ZNF34: variants seen among roughly 807,000 people sequenced by gnomAD.
ZNF34 encodes zinc finger protein 34.
A neutral mutation model predicts 14.4 loss-of-function variants in ZNF34; 8 were observed. The ratio of observed to expected loss-of-function variants is 0.55; its 90% CI spans 0.33 to 1.00. The LOEUF is 1.00. Among genes scored for constraint, ZNF34 ranks in the 50% least tolerant of loss-of-function variants. The pLI is 0.03. For synonymous variants in ZNF34, 235 were observed against 247.9 expected (o/e 0.95, Z 0.49); for missense variants, 538 against 674.2 (o/e 0.80, Z 2.24).
intron 1 of ZNF34, among the ~76,000 whole-genome samples, chr8:144,786,464 T>C (rs1313839429): frequency 6.6e-6 from 1 of 151,268 alleles, no homozygotes; most frequent in African/African-American, 2.4e-5. Context: ...TTAAACCCCA[T>C]CTCTACTAAA....
rs541409550 is a variant in ZNF34, at chr8:144,779,846, A to T, written c.-55+382T>A. ...AAACGACAATACTCATTCACTTTAC[A>T]TGGAAGAATGAAGACAAAATGTTAA... On this transcript the variant is annotated intron_variant, in intron 2 of 5. Transcript: ENST00000429371. This position sits in a 1 kb window ranked among gnomAD's most constrained non-coding sequence, Gnocchi z 4.1. Among the ~76,000 whole-genome samples the T allele has an allele frequency of 6.6e-6, 1 of 152,146 alleles. No individual in the cohort carries two copies. Among genetic ancestry groups the T allele is most frequent in the East Asian group, 1.9e-4 (1 of 5,182 alleles).
chr8:144,778,314 T>C (rs1432000525), intron 3 of ZNF34, 125 bp downstream of exon 3: 1 of 1,365,386 alleles, frequency 7.3e-7, no homozygotes, highest in African/African-American at 1.5e-5. Context: ...AAGGGGTGGC[T>C]GCATGGGGGT....
chr8:144,775,545 C>T (rs575995586), intron 5 of ZNF34, among the ~76,000 whole-genome samples: 1 of 152,232 alleles, frequency 6.6e-6, no homozygotes, highest in East Asian at 1.9e-4. Flanking sequence ...CCAAACAGAC[C>T]ACACTGCTAC....
chr8:144,777,923 T>A lies in ZNF34; in HGVS notation c.160+115A>T. 2.7e-6 allele frequency: 4 copies of A among 1,466,014 alleles called. No homozygotes were observed. The highest frequency in any genetic ancestry group is 3.7e-6 in the Non-Finnish European group (4 of 1,078,196). The allele number at this position is 1,466,014 out of a possible 1,614,324, so 90.8% of individuals were successfully genotyped here. ...CATCTTCTCAGATCAGGTGCCTGCCTGGGATAAAGGTCATCACCTATCTGT... is the reference window on the plus strand; with the variant it reads ...CATCTTCTCAGATCAGGTGCCTGCCAGGGATAAAGGTCATCACCTATCTGT... On this transcript the variant is annotated intron_variant, in intron 4 of 5. Coordinates refer to ENST00000429371, the MANE Select transcript of ZNF34 (RefSeq NM_001286769.2). This position sits in a 1 kb window ranked among gnomAD's most constrained non-coding sequence, Gnocchi z 4.8.
In ZNF34 at chr8:144,774,264, CAG is replaced by C; in HGVS notation, c.620_621del (p.Ser207TrpfsTer11). Reference protein sequence around the residue: ...RSKKTNTVRNSGEIFSANLVV... With the variant: ...RSKKTNTVRNXGEIFSANLVV... The stretch of plus-strand genomic sequence containing the variant: ...ACTAAGTTTGCACTGAAGATTTCCC[CAG>C]AGTTACGAACTGTATTTGTTTTTTT... On this transcript the variant is annotated frameshift_variant, in exon 6 of 6. Transcript: ENST00000429371. LOFTEE classifies it low-confidence loss of function (END_TRUNC). The C allele has an allele frequency of 6.2e-7, 1 of 1,613,906 alleles. No homozygotes were observed. Among genetic ancestry groups the C allele is most frequent in the South Asian group, 1.1e-5 (1 of 91,074 alleles).
intron 1 of ZNF34, among the ~76,000 whole-genome samples, chr8:144,781,278 T>A (rs1017452459): frequency 6.6e-6 from 1 of 151,730 alleles, no homozygotes; most frequent in Non-Finnish European, 1.5e-5. Flanking sequence ...GAGTGAGTTT[T>A]TTTTTTTTTA....
chr8:144,777,290 C>T lies in ZNF34; in HGVS notation c.280+168G>A, dbSNP rs1825583001. On this transcript the variant is annotated intron_variant, in intron 5 of 5. Transcript: ENST00000429371. This position sits in a 1 kb window ranked among gnomAD's most constrained non-coding sequence, Gnocchi z 4.8. ...GCTCAATAATCTCCCCACCAAGGTG[C>T]CCAGACTGAGAGGGGTCACCTGGGC... Among the ~76,000 whole-genome samples, 2 of 152,132 alleles carry T rather than the reference C, an allele frequency of 1.3e-5. No individual in the cohort carries two copies. The highest frequency in any genetic ancestry group is 4.1e-4 in the South Asian group (2 of 4,832).
intron 3 of ZNF34, 108 bp from the exon 4 acceptor site, chr8:144,778,272 C>A: frequency 6.7e-7 from 1 of 1,486,778 alleles, no homozygotes; most frequent in Non-Finnish European, 9.1e-7. Flanking sequence ...GGTGGCCTGA[C>A]CCATCTGCCA....
In ZNF34 at chr8:144,773,148, A is replaced by G. The variant is rs1825262708; in HGVS notation, c.*118T>C. 2 of 1,121,456 alleles carry G rather than the reference A, an allele frequency of 1.8e-6. No individual in the cohort carries two copies. The highest frequency in any genetic ancestry group is 2.4e-6 in the Non-Finnish European group (2 of 827,154). The allele number at this position is 1,121,456 out of a possible 1,614,324, so 69.5% of individuals were successfully genotyped here. Reference sequence around the variant, plus strand: ...AAGAAAAGAGGTTTGTTTAATGAGAAACGTCCTTTCACTCTGTGAAAACAT... The same window carrying G: ...AAGAAAAGAGGTTTGTTTAATGAGAGACGTCCTTTCACTCTGTGAAAACAT... On this transcript the variant is annotated 3_prime_UTR_variant, in exon 6 of 6. Coordinates refer to ENST00000429371, the MANE Select transcript of ZNF34 (RefSeq NM_001286769.2). The surrounding 1 kb of genome is among the most constrained non-coding windows in gnomAD (Gnocchi z 5.4).
chr8:144,779,937 C>G lies in ZNF34; in HGVS notation c.-55+291G>C, dbSNP rs9987114. Among the ~76,000 whole-genome samples the G allele has an allele frequency of 0.29, 44,118 of 151,244 alleles. 7,464 individuals are homozygous for G. Among genetic ancestry groups the G allele is most frequent in the South Asian group, 0.45 (2,171 of 4,784 alleles). On this transcript the variant is annotated intron_variant, in intron 2 of 5. Transcript: ENST00000429371. This position sits in a 1 kb window ranked among gnomAD's most constrained non-coding sequence, Gnocchi z 4.1. ...AGCTCGGTGGCTCACACCTGTAATC[C>G]TAGCGCTTTGGGAGGCTGAGGCGGG...
In ZNF34 at chr8:144,779,230, G is replaced by A. The variant is rs1586733876; in HGVS notation, c.-54-705C>T. ...ATGTGCACAGACTTGTTGGTTCCTTGCTTCTTGCTCTCCCAGGCTCATAAA... is the reference window on the plus strand; with the variant it reads ...ATGTGCACAGACTTGTTGGTTCCTTACTTCTTGCTCTCCCAGGCTCATAAA... On this transcript the variant is annotated intron_variant, in intron 2 of 5. Coordinates refer to ENST00000429371, the MANE Select transcript of ZNF34 (RefSeq NM_001286769.2). This position sits in a 1 kb window ranked among gnomAD's most constrained non-coding sequence, Gnocchi z 4.1. Among the ~76,000 whole-genome samples, 2 of 152,270 alleles carry A rather than the reference G, an allele frequency of 1.3e-5. No homozygotes were observed. Among genetic ancestry groups the A allele is most frequent in the Admixed American group, 6.5e-5 (1 of 15,282 alleles).
chr8:144,786,174 G>A (rs1418429194), intron 1 of ZNF34, among the ~76,000 whole-genome samples: 1 of 151,488 alleles, frequency 6.6e-6, no homozygotes, highest in Non-Finnish European at 1.5e-5. Context: ...TTTTAGTAGA[G>A]ACGGGGTTTC....
At chr8:144,774,730 G>A in intron 5 of ZNF34, 125 bp from the exon 6 acceptor site, 2 of 1,203,878 alleles carry the variant, frequency 1.7e-6, no homozygotes, top group South Asian at 3.0e-5. Context: ...GCCTTGCAAA[G>A]ATAAGAGCCT....
In ZNF34 at chr8:144,782,842, C is replaced by CAAAAAAA. The variant is rs548252812; in HGVS notation, c.-107-2569_-107-2563dup. ...ACAGAGACAGAACCAAAGCCTATCT[C>CAAAAAAA]AAAAAAAAAAAAAAAAAAAAAAAAA... On this transcript the variant is annotated intron_variant, in intron 1 of 5. Coordinates refer to ENST00000429371, the MANE Select transcript of ZNF34 (RefSeq NM_001286769.2). 2.6e-3 allele frequency among the ~76,000 whole-genome samples: 60 copies of CAAAAAAA among 22,954 alleles called. 1 individual carries two copies. Among genetic ancestry groups the CAAAAAAA allele is most frequent in the African/African-American group, 3.1e-3 (10 of 3,222 alleles). The allele number at this position is 22,954 out of a possible 152,430, so 15.1% of individuals were successfully genotyped here. A position where few individuals can be genotyped will look rare whatever the true frequency, so the allele number is the denominator to read the frequency against.
chr8:144,775,870 T>C (rs1205413576), intron 5 of ZNF34, among the ~76,000 whole-genome samples: 2 of 152,232 alleles, frequency 1.3e-5, no homozygotes, highest in Non-Finnish European at 2.9e-5. Flanking sequence ...CAGCAGTTCC[T>C]TCCTCAGACA....
rs1455359184 is a variant in ZNF34, at chr8:144,777,055, G to T, written c.280+403C>A. On this transcript the variant is annotated intron_variant, in intron 5 of 5. Coordinates refer to ENST00000429371, the MANE Select transcript of ZNF34 (RefSeq NM_001286769.2). This position sits in a 1 kb window ranked among gnomAD's most constrained non-coding sequence, Gnocchi z 4.8. ...ATGTGTAGTCTCTCACTTTTCCGCAGTGTATTAATTTAGAAGAGAGGGGAA... is the reference window on the plus strand; with the variant it reads ...ATGTGTAGTCTCTCACTTTTCCGCATTGTATTAATTTAGAAGAGAGGGGAA... Among the ~76,000 whole-genome samples, 1 of 152,032 alleles carries T rather than the reference G, an allele frequency of 6.6e-6. No individual in the cohort carries two copies. The highest frequency in any genetic ancestry group is 1.5e-5 in the Non-Finnish European group (1 of 68,004).
intron 1 of ZNF34, among the ~76,000 whole-genome samples, chr8:144,780,798 G>C (rs1825823402): frequency 6.7e-6 from 1 of 149,010 alleles, no homozygotes; most frequent in Non-Finnish European, 1.5e-5. Flanking sequence ...TCCAAAAAAA[G>C]AAAAGCAAAG....
intron 1 of ZNF34, among the ~76,000 whole-genome samples, chr8:144,786,327 G>A (rs1431287795): frequency 6.6e-6 from 1 of 150,670 alleles, no homozygotes; most frequent in Non-Finnish European, 1.5e-5. Context: ...AACAGTATTA[G>A]GTTTGTAGAG....
Position 144,777,962 on chromosome 8 carries a change from G to A in ZNF34, c.160+76C>T, listed in dbSNP as rs1212975987. 12 of 1,578,288 alleles carry A rather than the reference G, an allele frequency of 7.6e-6. No homozygotes were observed. Among genetic ancestry groups the A allele is most frequent in the Admixed American group, 3.7e-5 (2 of 53,834 alleles). On this transcript the variant is annotated intron_variant, in intron 4 of 5. Transcript: ENST00000429371. The surrounding 1 kb of genome is among the most constrained non-coding windows in gnomAD (Gnocchi z 4.8). Reference sequence around the variant, plus strand: ...TCACCTATCTGTGCCCAGGGGGTGAGGCCCCTAGCCCAGCCTCTGCTGAGC... The same window carrying A: ...TCACCTATCTGTGCCCAGGGGGTGAAGCCCCTAGCCCAGCCTCTGCTGAGC...
Sources: gnomAD v4.1 joint callset for allele counts (sites outside exome capture counted in the v4.1 genomes callset) on GRCh38, gnomAD v4.1.1 for gene constraint, Gnocchi (gnomAD v3.1) non-coding constraint, MANE v1.5 for transcripts, NCBI Gene and HGNC (gene_info 2026-07-23, HGNC 2026-07-21) for gene names.